PLCL1: variants seen among roughly 807,000 people sequenced by gnomAD.
PLCL1 encodes phospholipase C like 1 (inactive).
Under a neutral mutation model 84.4 loss-of-function variants are expected in PLCL1, and 41 were observed. The ratio of observed to expected loss-of-function variants is 0.49; its 90% CI spans 0.38 to 0.63. The LOEUF (loss-of-function observed/expected upper bound fraction) is 0.63, where lower values mean the gene tolerates loss of function less well. Among genes scored for constraint, PLCL1 ranks in the 30% least tolerant of loss-of-function variants. The pLI, the probability that PLCL1 is intolerant of heterozygous loss-of-function variation, is 0.00. For missense variants in PLCL1, 1,206 were observed against 1,367.8 expected (o/e 0.88, Z 1.87); for synonymous variants, 490 against 488.3 (o/e 1.00, Z -0.05).
intron 5 of PLCL1, among the ~76,000 whole-genome samples, chr2:198,136,814 C>T (rs982581482): frequency 2.6e-5 from 4 of 152,082 alleles, no homozygotes; most frequent in African/African-American, 9.7e-5. Context: ...ATGACGATAC[C>T]TTTGAAGTGA....
At chr2:197,917,582 CTT>C (rs1688620499) in intron 1 of PLCL1, among the ~76,000 whole-genome samples, 1 of 152,144 alleles carries the variant, frequency 6.6e-6, no homozygotes, top group African/African-American at 2.4e-5. Flanking sequence ...ACCCATAGAA[CTT>C]TATAGTACAC....
intron 1 of PLCL1, among the ~76,000 whole-genome samples, chr2:197,851,114 T>A (rs527379670): frequency 8.1e-4 from 124 of 152,354 alleles, no homozygotes; most frequent in Admixed American, 2.0e-3. Context: ...TGTGTGTGCA[T>A]TGCACGTGTA....
chr2:197,932,850 G>C (rs565553598), intron 1 of PLCL1, among the ~76,000 whole-genome samples: 94 of 152,224 alleles, frequency 6.2e-4, no homozygotes, highest in African/African-American at 2.2e-3. Flanking sequence ...AGCATGTTAG[G>C]TACTTCACTG....
At chr2:197,824,744 A>G (rs2106420948) in intron 1 of PLCL1, among the ~76,000 whole-genome samples, 1 of 148,716 alleles carries the variant, frequency 6.7e-6, no homozygotes, top group East Asian at 2.0e-4. Context: ...AACATGTCTG[A>G]CTCCTACTCA....
chr2:198,138,366 C>G (rs1694307069), intron 5 of PLCL1, among the ~76,000 whole-genome samples: 1 of 152,046 alleles, frequency 6.6e-6, no homozygotes, highest in South Asian at 2.1e-4. Context: ...TGAGAACTTA[C>G]TATCACAAGA....
intron 1 of PLCL1, among the ~76,000 whole-genome samples, chr2:197,862,798 A>G (rs1687456428): frequency 6.6e-6 from 1 of 152,146 alleles, no homozygotes; most frequent in Admixed American, 6.5e-5. Flanking sequence ...ATGAACTAGA[A>G]GGATGGAATA....
chr2:197,857,239 G>T (rs1687346606), intron 1 of PLCL1, among the ~76,000 whole-genome samples: 1 of 151,920 alleles, frequency 6.6e-6, no homozygotes, highest in Admixed American at 6.6e-5. Context: ...TACAGCTGAA[G>T]CTACCAGAAA....
intron 3 of PLCL1, among the ~76,000 whole-genome samples, chr2:198,094,047 A>G (rs1032103007): frequency 4.6e-5 from 7 of 152,012 alleles, no homozygotes; most frequent in Non-Finnish European, 1.0e-4. Context: ...CAGTCTTAAA[A>G]GTCATTTTTT....
intron 5 of PLCL1, among the ~76,000 whole-genome samples, chr2:198,123,953 A>G (rs910075097): frequency 1.1e-4 from 16 of 152,120 alleles, no homozygotes; most frequent in Middle Eastern, 6.8e-3. Context: ...TGGTGCCAAA[A>G]AGGTTGGGGA....
At chr2:197,885,124 C>A (rs1687895486) in intron 1 of PLCL1, among the ~76,000 whole-genome samples, 1 of 152,224 alleles carries the variant, frequency 6.6e-6, no homozygotes, top group Admixed American at 6.5e-5. Flanking sequence ...TGCTCTGGAA[C>A]ATTCGTTCTC....
At chr2:197,854,034 C>G (rs761848255) in intron 1 of PLCL1, among the ~76,000 whole-genome samples, 1 of 152,122 alleles carries the variant, frequency 6.6e-6, no homozygotes, top group Non-Finnish European at 1.5e-5. Context: ...GGGACCCATG[C>G]TGGGTCTGAG....
At chr2:198,037,031 G>A (rs761172318) in intron 1 of PLCL1, among the ~76,000 whole-genome samples, 7 of 152,190 alleles carry the variant, frequency 4.6e-5, no homozygotes, top group Non-Finnish European at 8.8e-5. Context: ...CTCTGGGGGA[G>A]AGGCTCTCTG....
chr2:197,953,315 A>G (rs926039568), intron 1 of PLCL1, among the ~76,000 whole-genome samples: 11 of 152,062 alleles, frequency 7.2e-5, no homozygotes, highest in African/African-American at 2.4e-4. Flanking sequence ...CTCCTTGCCT[A>G]TATGAGTTAC....
At chr2:197,818,567 C>T (rs1351423783) in intron 1 of PLCL1, among the ~76,000 whole-genome samples, 1 of 152,086 alleles carries the variant, frequency 6.6e-6, no homozygotes, top group African/African-American at 2.4e-5. Flanking sequence ...TGGTGTCTCA[C>T]TATATTGCCC....
intron 1 of PLCL1, among the ~76,000 whole-genome samples, chr2:198,074,746 C>T (rs1377597232): frequency 6.6e-6 from 1 of 152,196 alleles, no homozygotes; most frequent in Non-Finnish European, 1.5e-5. Flanking sequence ...GAAATTTTGT[C>T]AGGAATGTTC....
intron 1 of PLCL1, among the ~76,000 whole-genome samples, chr2:197,934,777 T>C (rs934429973): frequency 1.3e-5 from 2 of 152,182 alleles, no homozygotes; most frequent in African/African-American, 2.4e-5. Context: ...ATACGTATCA[T>C]TCTTTGTGAG....
intron 1 of PLCL1, among the ~76,000 whole-genome samples, chr2:197,972,241 G>A (rs1038853525): frequency 2.6e-5 from 4 of 152,214 alleles, no homozygotes; most frequent in African/African-American, 7.2e-5. Flanking sequence ...TCAAAGAAAG[G>A]CAAGTACAGG....
intron 1 of PLCL1, among the ~76,000 whole-genome samples, chr2:198,072,605 T>G (rs975096885): frequency 2.6e-5 from 4 of 152,038 alleles, no homozygotes; most frequent in Admixed American, 6.5e-5. Flanking sequence ...TGGTAAAATG[T>G]TTTCTCTAGG....
chr2:198,133,450 G>A (rs57772548), intron 5 of PLCL1, among the ~76,000 whole-genome samples: 3,141 of 148,504 alleles, frequency 0.021, 116 homozygotes, highest in African/African-American at 0.074. Context: ...TGGGTGCAGC[G>A]CACCAGCATG....
Sources: gnomAD v4.1 joint callset for allele counts (sites outside exome capture counted in the v4.1 genomes callset) on GRCh38, gnomAD v4.1.1 for gene constraint, MANE v1.5 for transcripts, NCBI Gene and HGNC (gene_info 2026-07-23, HGNC 2026-07-21) for gene names.